The following RAB38 variants were observed in gnomAD, a reference collection of about 807,000 sequenced individuals.
The protein encoded by RAB38 is ras-related protein Rab-38.
RAB38 carries 15 observed loss-of-function variants against 18.4 expected under a neutral mutation model. That is an observed-to-expected ratio of 0.82 (90% CI 0.55 to 1.26). RAB38 has a LOEUF of 1.26. RAB38 is among the 50% of genes most tolerant of loss of function. The probability of loss-of-function intolerance (pLI) is 0.00; values close to 1 mark genes in which losing one functional copy is unlikely to be tolerated. For synonymous variants in RAB38, 101 were observed against 104.4 expected (o/e 0.97, Z 0.20); for missense variants, 294 against 267.4 (o/e 1.10, Z -0.69).
chr11:87,970,971 A>G, the RAB38 span, among the ~76,000 whole-genome samples: 1 of 152,080 alleles, frequency 6.6e-6, no homozygotes, highest in Non-Finnish European at 1.5e-5. Flanking sequence ...GAGCTCTGGG[A>G]TTTAAAAAAC....
chr11:88,008,084 G>A, the RAB38 span, among the ~76,000 whole-genome samples: 2 of 152,102 alleles, frequency 1.3e-5, no homozygotes, highest in Non-Finnish European at 2.9e-5. Flanking sequence ...AAGAATGACT[G>A]GCAGTGGGCA....
At chr11:87,928,856 T>C in the RAB38 span, among the ~76,000 whole-genome samples, 1 of 152,124 alleles carries the variant, frequency 6.6e-6, no homozygotes, top group Non-Finnish European at 1.5e-5. Flanking sequence ...GGCTCACACC[T>C]GTAATCCCAA....
the RAB38 span, among the ~76,000 whole-genome samples, chr11:87,805,124 G>T: frequency 6.6e-6 from 1 of 152,128 alleles, no homozygotes; most frequent in African/African-American, 2.4e-5. Context: ...TTCACTTTCT[G>T]CCTAAATGGT....
chr11:88,145,517 A>G (rs2134819999), intron 2 of RAB38, among the ~76,000 whole-genome samples: 1 of 152,240 alleles, frequency 6.6e-6, no homozygotes, highest in South Asian at 2.1e-4. Flanking sequence ...GAATTCAAAA[A>G]CAGCAACTGA....
chr11:87,903,240 A>T, the RAB38 span, among the ~76,000 whole-genome samples: 1 of 151,382 alleles, frequency 6.6e-6, no homozygotes, highest in African/African-American at 2.4e-5. Flanking sequence ...TTAGTTTATG[A>T]GTCTACTTTC....
the RAB38 span, among the ~76,000 whole-genome samples, chr11:87,951,726 G>A: frequency 3.3e-5 from 5 of 151,934 alleles, no homozygotes; most frequent in East Asian, 2.0e-4. Flanking sequence ...TTGGTGAACC[G>A]CAAATGCTGC....
At chr11:87,863,575 T>A in the RAB38 span, among the ~76,000 whole-genome samples, 1 of 89,028 alleles carries the variant, frequency 1.1e-5, no homozygotes, top group African/African-American at 8.5e-5. Context: ...GGACTCTGTT[T>A]GGCGCATGAT....
chr11:88,019,077 A>C, the RAB38 span, among the ~76,000 whole-genome samples: 44 of 151,742 alleles, frequency 2.9e-4, no homozygotes, highest in African/African-American at 1.0e-3. Flanking sequence ...AGTACTCTGC[A>C]ATTCATATTT....
chr11:88,022,318 C>CAAA, the RAB38 span, among the ~76,000 whole-genome samples: 15 of 144,036 alleles, frequency 1.0e-4, no homozygotes, highest in African/African-American at 2.8e-4. Flanking sequence ...AAAAAACCCT[C>CAAA]AAAAAAAAAA....
At chr11:88,052,920 ATATATATATATATATATATATAT>A in the RAB38 span, among the ~76,000 whole-genome samples, 1 of 21,372 alleles carries the variant, frequency 4.7e-5, no homozygotes, top group African/African-American at 2.9e-4. Flanking sequence ...ATATATATAT[ATATATATATATATATATATATAT>A]AAATTATATA....
chr11:88,086,668 A>G, the RAB38 span, among the ~76,000 whole-genome samples: 1 of 151,926 alleles, frequency 6.6e-6, no homozygotes, highest in Non-Finnish European at 1.5e-5. Context: ...ACACCAGTAA[A>G]TGAATAGCAT....
At chr11:87,807,313 C>A in the RAB38 span, among the ~76,000 whole-genome samples, 1 of 152,168 alleles carries the variant, frequency 6.6e-6, no homozygotes, top group African/African-American at 2.4e-5. Context: ...TAAAGTTTTC[C>A]ACATGACACA....
the RAB38 span, among the ~76,000 whole-genome samples, chr11:88,042,145 A>C: frequency 6.6e-6 from 1 of 152,214 alleles, no homozygotes; most frequent in Non-Finnish European, 1.5e-5. Flanking sequence ...CTGAAGAAAA[A>C]AAAAATACCA....
At chr11:87,976,881 T>A in the RAB38 span, among the ~76,000 whole-genome samples, 1 of 49,030 alleles carries the variant, frequency 2.0e-5, no homozygotes, top group Admixed American at 3.1e-4. Context: ...TGTTATATAA[T>A]GTATTATATA....
chr11:87,890,241 T>C, the RAB38 span, among the ~76,000 whole-genome samples: 1 of 151,902 alleles, frequency 6.6e-6, no homozygotes, highest in Non-Finnish European at 1.5e-5. Context: ...ATTTATAATA[T>C]GTATAAAGAA....
the RAB38 span, among the ~76,000 whole-genome samples, chr11:87,806,965 C>T: frequency 6.6e-6 from 1 of 152,146 alleles, no homozygotes; most frequent in Non-Finnish European, 1.5e-5. Context: ...TGTTAGGAAC[C>T]AGGCTGCACA....
At chr11:88,146,667 T>C (rs765711826) in intron 2 of RAB38, among the ~76,000 whole-genome samples, 2 of 152,230 alleles carry the variant, frequency 1.3e-5, no homozygotes, top group African/African-American at 2.4e-5. Flanking sequence ...CTCCAGTTTG[T>C]CAGTGCTGCA....
At chr11:87,814,095 G>T in the RAB38 span, among the ~76,000 whole-genome samples, 1 of 152,042 alleles carries the variant, frequency 6.6e-6, no homozygotes. Context: ...ACATTTTCAG[G>T]GTCTTGCTTT....
At chr11:87,937,566 G>T in the RAB38 span, among the ~76,000 whole-genome samples, 1 of 151,578 alleles carries the variant, frequency 6.6e-6, no homozygotes, top group African/African-American at 2.4e-5. Context: ...TGGTCCTGGA[G>T]ATATTTTAGA....
Sources: gnomAD v4.1 joint callset for allele counts (sites outside exome capture counted in the v4.1 genomes callset) on GRCh38, gnomAD v4.1.1 for gene constraint, MANE v1.5 for transcripts, NCBI Gene and HGNC (gene_info 2026-07-23, HGNC 2026-07-21) for gene names.